RPA1: variants seen among roughly 807,000 people sequenced by gnomAD.
RPA1 encodes the protein replication protein A 70 kDa DNA-binding subunit.
RPA1 carries 49 observed loss-of-function variants against 83.0 expected under a neutral mutation model. The observed-to-expected ratio is 0.59, with a 90% confidence interval of 0.47 to 0.75. The LOEUF is 0.75. Ranked by LOEUF, RPA1 falls within the 30% of genes least tolerant of loss-of-function variation. RPA1 has a pLI of 0.00. For synonymous variants in RPA1, 279 were observed against 281.8 expected (o/e 0.99, Z 0.10); for missense variants, 693 against 776.1 (o/e 0.89, Z 1.27).
chr17:1,879,899 A>G (rs990476026), intron 11 of RPA1, among the ~76,000 whole-genome samples, 200 bp downstream of exon 11: 3 of 146,964 alleles, frequency 2.0e-5, no homozygotes, highest in African/African-American at 7.7e-5. Flanking sequence ...ATCTTGTCCT[A>G]TAGGATGGGG....
chr17:1,892,086 A>C (rs1353192510), intron 15 of RPA1, 146 bp downstream of exon 15: 1 of 444,422 alleles, frequency 2.3e-6, no homozygotes, highest in Non-Finnish European at 4.0e-6. Flanking sequence ...AGCTCACCGC[A>C]GTCTCCGCCT....
chr17:1,832,313 G>A (rs578180943), intron 1 of RPA1, among the ~76,000 whole-genome samples: 39 of 152,168 alleles, frequency 2.6e-4, no homozygotes, highest in African/African-American at 8.9e-4. Flanking sequence ...TCGTATCTCA[G>A]CTCATTTGTG....
Position 1,879,066 on chromosome 17 carries a change from G to A in RPA1, c.759+5G>A, listed in dbSNP as rs1913672373. 1 of 1,614,174 alleles carries A rather than the reference G, an allele frequency of 6.2e-7. No individual in the cohort carries two copies. Among genetic ancestry groups the A allele is most frequent in the African/African-American group, 1.3e-5 (1 of 75,052 alleles). On this transcript the variant is annotated splice_donor_5th_base_variant and intron_variant, in intron 9 of 16. Transcript: ENST00000254719. ...CCTCTTATTGAAGTGAACAAGGTATGGCCGTGCTGACTTTAGAACTGACAC... is the reference window on the plus strand; with the variant it reads ...CCTCTTATTGAAGTGAACAAGGTATAGCCGTGCTGACTTTAGAACTGACAC...
chr17:1,855,577 C>T (rs1008618862), intron 5 of RPA1, among the ~76,000 whole-genome samples: 1 of 152,166 alleles, frequency 6.6e-6, no homozygotes, highest in African/African-American at 2.4e-5. Flanking sequence ...ATTTGATTTG[C>T]TATATCCCTT....
chr17:1,888,952 A>C (rs1914100709), intron 14 of RPA1, 101 bp downstream of exon 14: 1 of 1,294,086 alleles, frequency 7.7e-7, no homozygotes, highest in South Asian at 1.5e-5. Flanking sequence ...CATTCCTGGT[A>C]GGAAGCCCGC....
chr17:1,893,443 TTGGTTTG>T (rs1350855021), intron 15 of RPA1, among the ~76,000 whole-genome samples: 1 of 145,572 alleles, frequency 6.9e-6, no homozygotes, highest in East Asian at 2.1e-4. Flanking sequence ...GAAAGTCCAT[TTGGTTTG>T]GGTTTGGGTT....
At chr17:1,836,839 A>AATT (rs397857359) in intron 1 of RPA1, among the ~76,000 whole-genome samples, 3 of 138,152 alleles carry the variant, frequency 2.2e-5, no homozygotes, top group Non-Finnish European at 3.1e-5. Context: ...TTAAAAAAAA[A>AATT]TTTTTTTTTT....
chr17:1,883,373 G>C (rs1040155331), intron 12 of RPA1, among the ~76,000 whole-genome samples: 3 of 152,070 alleles, frequency 2.0e-5, no homozygotes, highest in Non-Finnish European at 4.4e-5. Flanking sequence ...ATGTTGGCCA[G>C]GATAGTCTTG....
intron 4 of RPA1, among the ~76,000 whole-genome samples, chr17:1,850,429 C>T (rs1235763471): frequency 6.6e-5 from 10 of 150,924 alleles, no homozygotes; most frequent in African/African-American, 2.2e-4. Flanking sequence ...CCCAGCTACT[C>T]GGGAGGCTGA....
chr17:1,870,605 G>GCCTA (rs2151283242), intron 5 of RPA1, among the ~76,000 whole-genome samples: 3 of 152,276 alleles, frequency 2.0e-5, no homozygotes, highest in African/African-American at 7.2e-5. Flanking sequence ...AAACTCTTGA[G>GCCTA]CCTATTAAAC....
intron 14 of RPA1, 90 bp downstream of exon 14, chr17:1,888,941 G>C (rs1914100013): frequency 7.2e-7 from 1 of 1,388,182 alleles, no homozygotes; most frequent in Non-Finnish European, 9.8e-7. Flanking sequence ...TAGAGACAAA[G>C]CATTCCTGGT....
chr17:1,887,749 C>T (rs534963943), intron 13 of RPA1, among the ~76,000 whole-genome samples: 2 of 151,790 alleles, frequency 1.3e-5, no homozygotes, highest in African/African-American at 4.8e-5. Flanking sequence ...ATTAGCCAGG[C>T]GTGGTAGTGC....
intron 1 of RPA1, among the ~76,000 whole-genome samples, chr17:1,839,803 T>G (rs1911976846): frequency 7.2e-6 from 1 of 138,806 alleles, no homozygotes; most frequent in African/African-American, 3.0e-5. Context: ...TTTTTTTTTT[T>G]TTTTTTTTTT....
chr17:1,887,146 G>A (rs1914022073), intron 13 of RPA1, among the ~76,000 whole-genome samples: 1 of 152,156 alleles, frequency 6.6e-6, no homozygotes, highest in Non-Finnish European at 1.5e-5. Context: ...AAAGAAGAGA[G>A]ACAGGAATAC....
intron 12 of RPA1, among the ~76,000 whole-genome samples, chr17:1,881,345 G>T (rs1393896422): frequency 2.6e-5 from 4 of 152,122 alleles, no homozygotes; most frequent in Non-Finnish European, 4.4e-5. Flanking sequence ...TGTAGTCTAT[G>T]GGGGGGAAGT....
At chr17:1,867,575 A>C (rs1014640419) in intron 5 of RPA1, among the ~76,000 whole-genome samples, 6 of 151,878 alleles carry the variant, frequency 4.0e-5, no homozygotes, top group Non-Finnish European at 7.4e-5. Context: ...TCCAGGCCTG[A>C]TAGCACACTC....
rs547277884 is a variant in RPA1 at position 1,879,470 on chromosome 17, G to A, written c.952+63G>A. 123 of 1,611,110 alleles carry A rather than the reference G, an allele frequency of 7.6e-5. No individual in the cohort carries two copies. In the Middle Eastern group the frequency reaches 8.3e-4, roughly 11 times the overall value. ...AGCTTTCTTTGCAGTGTACGGGGTG[G>A]TGTCAGGCTTCAGTGCTTGCCGTTC... On this transcript the variant is annotated intron_variant, in intron 10 of 16. Transcript: ENST00000254719.
intron 4 of RPA1, among the ~76,000 whole-genome samples, chr17:1,849,899 T>C (rs1912419378): frequency 6.6e-6 from 1 of 152,148 alleles, no homozygotes; most frequent in South Asian, 2.1e-4. Flanking sequence ...AGGCTGGACG[T>C]GGTGGCTCAT....
chr17:1,866,122 G>T (rs950859462), intron 5 of RPA1, among the ~76,000 whole-genome samples: 2 of 151,954 alleles, frequency 1.3e-5, no homozygotes, highest in African/African-American at 4.8e-5. Context: ...TACACCTGCA[G>T]TCCTAGCCAC....
Sources: allele counts gnomAD v4.1 joint callset (sites outside exome capture counted in the v4.1 genomes callset), GRCh38; gene constraint gnomAD v4.1.1; transcripts MANE v1.5; gene names NCBI Gene and HGNC (gene_info 2026-07-23, HGNC 2026-07-21).